Variants in HSPG2 observed in about 807,000 individuals in gnomAD.
HSPG2 encodes the protein basement membrane-specific heparan sulfate proteoglycan core protein.
HSPG2 carries 278 observed loss-of-function variants against 526.6 expected under a neutral mutation model. That is an observed-to-expected ratio of 0.53 (90% CI 0.48 to 0.58). The LOEUF (loss-of-function observed/expected upper bound fraction) is 0.58, where lower values mean the gene tolerates loss of function less well. Ranked by LOEUF, HSPG2 falls within the 20% of genes least tolerant of loss-of-function variation. HSPG2 has a pLI of 0.00. For synonymous variants in HSPG2, 2,465 were observed against 2,555.4 expected, an observed-to-expected ratio of 0.96 and a Z score of 1.07; for missense variants, 5,354 against 6,099.5, an observed-to-expected ratio of 0.88 and a Z score of 4.07.
At chr1:21,856,558 T>C (rs188778614) in intron 44 of HSPG2, among the ~76,000 whole-genome samples, 1,608 of 152,060 alleles carry the variant, frequency 0.011, 29 homozygotes, top group African/African-American at 0.035. Context: ...GCTGGGATTA[T>C]AGGCACCTGC....
intron 1 of HSPG2, among the ~76,000 whole-genome samples, chr1:21,901,369 A>AGGTGTGGTTGAGGGGTG (rs1553176510): frequency 1.3e-5 from 2 of 152,024 alleles, no homozygotes; most frequent in Non-Finnish European, 2.9e-5. Flanking sequence ...GGTGAGGGGT[A>AGGTGTGGTTGAGGGGTG]GGTGTGGTTG....
intron 2 of HSPG2, 72 bp downstream of exon 2, chr1:21,896,103 C>A (rs575346482): frequency 6.8e-6 from 11 of 1,608,806 alleles, no homozygotes; most frequent in African/African-American, 1.3e-5. Context: ...CACCCTCCTC[C>A]CCCATGCCAG....
intron 26 of HSPG2, 43 bp from the exon 27 acceptor site, chr1:21,874,772 G>A (rs1484150352): frequency 1.9e-6 from 3 of 1,544,054 alleles, no homozygotes; most frequent in Non-Finnish European, 2.7e-6. Context: ...TCCGAACACG[G>A]CCCATTCAGG....
Position 21,842,242 on chromosome 1 carries a change from AG to A in HSPG2, c.9048del (p.Tyr3017ThrfsTer88). 6.2e-7 allele frequency: 1 copy of A among 1,613,608 alleles called. No homozygotes were observed. Among genetic ancestry groups the A allele is most frequent in the Non-Finnish European group, 8.5e-7 (1 of 1,179,890 alleles). ...CCATGGCATCTGCCATACTCACGGT[AG>A]GAAGACCCCTCACTGGGCGGGACGG... is the stretch of plus-strand genomic sequence containing the variant. ...TVTVPPSEGS[S>X]YRLRSPVISI... is the part of the protein sequence containing the mutation. On this transcript the variant is annotated frameshift_variant, in exon 68 of 97. Coordinates refer to ENST00000374695, the MANE Select transcript of HSPG2 (RefSeq NM_005529.7). LOFTEE classifies it high-confidence loss of function.
intron 1 of HSPG2, among the ~76,000 whole-genome samples, chr1:21,935,063 C>T (rs967418382): frequency 6.6e-6 from 1 of 151,974 alleles, no homozygotes; most frequent in South Asian, 2.1e-4. Flanking sequence ...TGCGCCACCA[C>T]ACCCGTCTAA....
At chr1:21,929,870 C>T (rs535638265) in intron 1 of HSPG2, among the ~76,000 whole-genome samples, 78 of 152,256 alleles carry the variant, frequency 5.1e-4, no homozygotes, top group African/African-American at 1.8e-3. Flanking sequence ...CTCCCACCTC[C>T]GTGGTCCTAG....
At position 21,850,411 on chromosome 1, in the gene HSPG2, G is replaced by C. The variant is rs1484864416; in HGVS notation, c.7246C>G (p.Leu2416Val). ...ATGGTGACCAGGACAGAGGCCTCTA[G>C]AGGCACGGAGCTGCCCAACACTCGG... ...VCRVLGSSVPLEASVLVTIEP... is the reference protein window; with the variant it reads ...VCRVLGSSVPVEASVLVTIEP... Residue 2416 changes from leucine to valine, a missense_variant, in exon 56 of 97, where the codon CTA becomes GTA. By Grantham distance (32) the Leu-to-Val change is conservative. Transcript: ENST00000374695. 1 of 1,611,682 alleles carries C rather than the reference G, an allele frequency of 6.2e-7. No homozygotes were observed. Among genetic ancestry groups the C allele is most frequent in the Non-Finnish European group, 8.5e-7 (1 of 1,179,236 alleles).
Position 21,830,690 on chromosome 1 carries a change from C to CAA in HSPG2, c.11671+290_11671+291dup, listed in dbSNP as rs145627267. 0.054 allele frequency: 5,838 copies of CAA among 107,412 alleles called. 22 individuals are homozygous for CAA. The highest frequency in any genetic ancestry group is 0.074 in the South Asian group (722 of 9,732). 6.7% of individuals were successfully genotyped at this position (107,412 alleles called of 1,614,324 possible). A position where few individuals can be genotyped will look rare whatever the true frequency, so the allele number is the denominator to read the frequency against. On this transcript the variant is annotated intron_variant, in intron 85 of 96. Transcript: ENST00000374695. ...GGGCAACAAGAGCGAAACTTCGTCT[C>CAA]AAAAAAAAAAAAAAAAAAAAAAGAT...
Position 21,846,376 on chromosome 1 carries a change from C to T in HSPG2, c.8316+72G>A, listed in dbSNP as rs1312308652. ...CTGCACCCCACGGGGGCTCCTAGGT[C>T]TCCCTCTTGGCAAAGCTAGCCAGGG... On this transcript the variant is annotated intron_variant, in intron 63 of 96. Coordinates refer to ENST00000374695, the MANE Select transcript of HSPG2 (RefSeq NM_005529.7). 7 of 1,610,494 alleles carry T rather than the reference C, an allele frequency of 4.3e-6. No homozygotes were observed. In the Admixed American group the frequency reaches 5.0e-5, roughly 12 times the overall value.
chr1:21,857,328 C>T lies in HSPG2; in HGVS notation c.5351G>A (p.Arg1784His), dbSNP rs374922688. The change falls in exon 43 of 97, where the codon CGC (arginine) becomes CAC (histidine). Residue 1784 changes from arginine to histidine, a missense_variant. Physicochemically the swap from Arg to His is conservative, Grantham distance 29 (BLOSUM62 0). Transcript: ENST00000374695. The part of the protein sequence containing the change: ...TVEEQRSQSV[R>H]PGADVTFICT... ...GATGAAGGTGACGTCAGCTCCGGGG[C>T]GCACGCTCTGGCTCCGCTGCTCCTC... The T allele has an allele frequency of 2.7e-5, 44 of 1,613,928 alleles. No homozygotes were observed. The highest frequency in any genetic ancestry group is 1.6e-4 in the Middle Eastern group (1 of 6,084).
Position 21,850,079 on chromosome 1 carries a change from A to G in HSPG2, c.7408T>C (p.Trp2470Arg). Residue 2470 changes from tryptophan (W) to arginine (R), a missense_variant, in exon 57 of 97, where the codon TGG (tryptophan) becomes CGG (arginine). Coordinates refer to ENST00000374695, the MANE Select transcript of HSPG2 (RefSeq NM_005529.7). ...VAGQAHAQVT[W>R]HKRGGSLPAR... ...GGGAGGCTGCCCCCGCGCTTGTGCC[A>G]CGTGACCTGGGCATGGGCCTGACCA... 6.2e-7 allele frequency: 1 copy of G among 1,613,476 alleles called. No homozygotes were observed. The highest frequency in any genetic ancestry group is 8.5e-7 in the Non-Finnish European group (1 of 1,180,004).
At chr1:21,929,979 G>A (rs1644307031) in intron 1 of HSPG2, among the ~76,000 whole-genome samples, 1 of 152,024 alleles carries the variant, frequency 6.6e-6, no homozygotes, top group Non-Finnish European at 1.5e-5. Context: ...CAATCCTATG[G>A]AACACCGGGC....
In HSPG2 at chr1:21,887,350, G is replaced by T; in HGVS notation, c.959-16C>A. On this transcript the variant is annotated splice_polypyrimidine_tract_variant and intron_variant, in intron 8 of 96. Transcript: ENST00000374695. The surrounding 1 kb of genome is among the most constrained non-coding windows in gnomAD (Gnocchi z 5.0). ...GGCGGGGGGCCTAGGAGACCGGGCA[G>T]GGGTCAGCAGCATCCTCCCGGGCCA... The T allele has an allele frequency of 6.2e-7, 1 of 1,613,956 alleles. No homozygotes were observed. The highest frequency in any genetic ancestry group is 8.5e-7 in the Non-Finnish European group (1 of 1,179,932).
chr1:21,867,026 G>A (rs967603476), intron 33 of HSPG2, among the ~76,000 whole-genome samples: 5 of 151,532 alleles, frequency 3.3e-5, no homozygotes, highest in Non-Finnish European at 7.4e-5. Flanking sequence ...CAAGTTGCAG[G>A]TGTGTACAGC....
At position 21,853,180 on chromosome 1, in the gene HSPG2, T is replaced by C. The variant is rs12049614; in HGVS notation, c.6440-110A>G. ...GGCCCTAGTGGGGACGGCCGACAGG[T>C]GGCCTTTCTGGGACTAGGGCCACAC... On this transcript the variant is annotated intron_variant, in intron 50 of 96. Coordinates refer to ENST00000374695, the MANE Select transcript of HSPG2 (RefSeq NM_005529.7). The C allele has an allele frequency of 0.47, 691,320 of 1,464,276 alleles. 168,601 individuals are homozygous for C. The highest frequency in any genetic ancestry group is 0.63 in the East Asian group (27,386 of 43,192). The allele number at this position is 1,464,276 out of a possible 1,614,324, so 90.7% of individuals were successfully genotyped here. A position where few individuals can be genotyped will look rare whatever the true frequency, so the allele number is the denominator to read the frequency against.
At chr1:21,932,165 C>T (rs1047288628) in intron 1 of HSPG2, among the ~76,000 whole-genome samples, 1 of 152,180 alleles carries the variant, frequency 6.6e-6, no homozygotes, top group Non-Finnish European at 1.5e-5. Context: ...CGAGCCAATC[C>T]CTGATATTCC....
chr1:21,924,084 G>A (rs945862195), intron 1 of HSPG2, among the ~76,000 whole-genome samples: 3 of 152,194 alleles, frequency 2.0e-5, no homozygotes, highest in African/African-American at 4.8e-5. Context: ...AAGAAGACAG[G>A]ACAGGCTTCA....
At chr1:21,899,524 T>C (rs546219073) in intron 1 of HSPG2, among the ~76,000 whole-genome samples, 1 of 152,130 alleles carries the variant, frequency 6.6e-6, no homozygotes, top group Admixed American at 6.5e-5. Flanking sequence ...GAAACTGGCA[T>C]GTGGCAGGGC....
intron 47 of HSPG2, 139 bp downstream of exon 47, chr1:21,855,165 G>A: frequency 2.2e-6 from 3 of 1,369,588 alleles, no homozygotes; most frequent in Non-Finnish European, 3.0e-6. Context: ...TGGGATGCAG[G>A]GGCAGGAGAC....
Sources: gnomAD v4.1 joint callset for allele counts (sites outside exome capture counted in the v4.1 genomes callset) on GRCh38, gnomAD v4.1.1 for gene constraint, Gnocchi (gnomAD v3.1) non-coding constraint, MANE v1.5 for transcripts, NCBI Gene and HGNC (gene_info 2026-07-23, HGNC 2026-07-21) for gene names.